Variants in KLHL42 observed in about 807,000 individuals in gnomAD.
KLHL42 encodes kelch-like protein 42.
In KLHL42, 27 loss-of-function variants were observed where a neutral mutation model predicts 32.7. The ratio of observed to expected loss-of-function variants is 0.83; its 90% CI spans 0.61 to 1.14. The LOEUF is 1.14. Among genes scored for constraint, KLHL42 ranks in the 50% most tolerant of loss-of-function variants. KLHL42 has a pLI of 0.00. For missense variants in KLHL42, 491 were observed against 560.8 expected (o/e 0.88, Z 1.26); for synonymous variants, 267 against 248.2 (o/e 1.08, Z -0.71).
chr12:27,786,337 A>T (rs1416443896), intron 1 of KLHL42, among the ~76,000 whole-genome samples: 3 of 152,216 alleles, frequency 2.0e-5, no homozygotes, highest in African/African-American at 7.2e-5. Context: ...ACAGCCTTTA[A>T]GCCCAGCATT....
intron 2 of KLHL42, among the ~76,000 whole-genome samples, chr12:27,794,965 G>A (rs2062212323): frequency 1.3e-5 from 2 of 151,408 alleles, no homozygotes; most frequent in African/African-American, 2.4e-5. Flanking sequence ...AACACTGGTT[G>A]TCAGGTTACA....
intron 1 of KLHL42, among the ~76,000 whole-genome samples, chr12:27,782,310 C>A (rs528889626): frequency 6.6e-6 from 1 of 152,248 alleles, no homozygotes; most frequent in Admixed American, 6.5e-5. Context: ...ATATGAAATT[C>A]ATTTTGAAAA....
At position 27,797,969 on chromosome 12, in the gene KLHL42, A is replaced by C. The variant is rs2140824611; in HGVS notation, c.1321A>C (p.Asn441His). The change falls in exon 3 of 3, where the codon AAC becomes CAC. Residue 441 changes from asparagine to histidine, a missense_variant. Physicochemically the swap from Asn to His is moderately conservative, Grantham distance 68. Around this residue, in one of 4 missense-constraint regions of KLHL42, gnomAD observed 152 missense variants for 125.9 expected, o/e 1.21. Transcript: ENST00000381271. ...GGAGAACACGTCCAAATCGGGTCTT[A>C]ACTTGACTTGTGCGCTCCATAACGA... ...LKENTSKSGL[N>H]LTCALHNDGI... 1.3e-6 allele frequency: 1 copy of C among 780,974 alleles called. No homozygotes were observed. Among genetic ancestry groups the C allele is most frequent in the South Asian group, 1.3e-5 (1 of 74,612 alleles). 48.4% of individuals were successfully genotyped at this position (780,974 alleles called of 1,614,324 possible).
At chr12:27,782,711 A>T (rs916173592) in intron 1 of KLHL42, among the ~76,000 whole-genome samples, 2 of 151,282 alleles carry the variant, frequency 1.3e-5, no homozygotes, top group African/African-American at 4.9e-5. Flanking sequence ...TCTTCCCTTC[A>T]TACATCCTTG....
In KLHL42 at chr12:27,802,745, TAAAA is replaced by T. The variant is rs1052247019; in HGVS notation, c.*4584_*4587del. 1 of 152,368 alleles carries T rather than the reference TAAAA, an allele frequency of 6.6e-6. No homozygotes were observed. The highest frequency in any genetic ancestry group is 2.1e-4 in the South Asian group (1 of 4,816). 9.4% of individuals were successfully genotyped at this position (152,368 alleles called of 1,614,324 possible). ...TGATTTACGTTGTCATTTTTCCTAT[TAAAA>T]AAAACCCTTAAGAATGGGGCACTTG... On this transcript the variant is annotated 3_prime_UTR_variant, in exon 3 of 3. Transcript: ENST00000381271.
At chr12:27,782,639 T>TA (rs908419378) in intron 1 of KLHL42, among the ~76,000 whole-genome samples, 2 of 152,166 alleles carry the variant, frequency 1.3e-5, no homozygotes, top group African/African-American at 4.8e-5. Flanking sequence ...TGCATTCCTC[T>TA]AGCTACACAT....
At chr12:27,782,474 C>T (rs1020486404) in intron 1 of KLHL42, among the ~76,000 whole-genome samples, 2 of 152,174 alleles carry the variant, frequency 1.3e-5, no homozygotes, top group Admixed American at 6.5e-5. Context: ...GCATTATTTA[C>T]ACCATTGAGA....
In KLHL42 at chr12:27,798,281, T is replaced by TA. The variant is rs1395686032; in HGVS notation, c.*116dup. 8.0e-6 allele frequency: 5 copies of TA among 627,652 alleles called. No individual in the cohort carries two copies. Among genetic ancestry groups the TA allele is most frequent in the Non-Finnish European group, 1.4e-5 (5 of 350,242 alleles). The allele number at this position is 627,652 out of a possible 1,614,324, so 38.9% of individuals were successfully genotyped here. On this transcript the variant is annotated 3_prime_UTR_variant, in exon 3 of 3. Transcript: ENST00000381271. ...TAAAGAAGGGTTAAAGTAGGTCACA[T>TA]ATATACAGTAGCAGCTGTAAATAAG...
chr12:27,784,094 C>T (rs1348735579), intron 1 of KLHL42, among the ~76,000 whole-genome samples: 1 of 150,160 alleles, frequency 6.7e-6, no homozygotes, highest in Non-Finnish European at 1.5e-5. Context: ...CGTGGAATCC[C>T]TGGATAGGTA....
chr12:27,797,112 A>C, intron 2 of KLHL42: 1 of 396,846 alleles, frequency 2.5e-6, no homozygotes, highest in Non-Finnish European at 4.9e-6. Flanking sequence ...GGCATGGTAA[A>C]GATCCTGTCT....
chr12:27,783,343 TCA>T (rs2062156926), intron 1 of KLHL42, among the ~76,000 whole-genome samples: 1 of 151,998 alleles, frequency 6.6e-6, no homozygotes, highest in Admixed American at 6.5e-5. Context: ...AAGTGGACCC[TCA>T]CAGTTCAAAC....
chr12:27,798,775 A>G lies in KLHL42; in HGVS notation c.*609A>G, dbSNP rs1332442106. 1 of 152,336 alleles carries G rather than the reference A, an allele frequency of 6.6e-6. No individual in the cohort carries two copies. The highest frequency in any genetic ancestry group is 1.5e-5 in the Non-Finnish European group (1 of 68,030). The allele number at this position is 152,336 out of a possible 1,614,324, so 9.4% of individuals were successfully genotyped here. ...GTGTTCAGTCCTCCCCAAAACTTGCATAAAAATATTCTTAGCTATTTTTCC... is the reference window on the plus strand; with the variant it reads ...GTGTTCAGTCCTCCCCAAAACTTGCGTAAAAATATTCTTAGCTATTTTTCC... On this transcript the variant is annotated 3_prime_UTR_variant, in exon 3 of 3. Transcript: ENST00000381271.
rs1195760542 is a variant in KLHL42, at chr12:27,802,992, G to A, written c.*4826G>A. 6.6e-6 allele frequency: 1 copy of A among 152,150 alleles called. No individual in the cohort carries two copies. Among genetic ancestry groups the A allele is most frequent in the African/African-American group, 2.4e-5 (1 of 41,424 alleles). The allele number at this position is 152,150 out of a possible 1,614,324, so 9.4% of individuals were successfully genotyped here. A position where few individuals can be genotyped will look rare whatever the true frequency, so the allele number is the denominator to read the frequency against. On this transcript the variant is annotated 3_prime_UTR_variant, in exon 3 of 3. Coordinates refer to ENST00000381271, the MANE Select transcript of KLHL42 (RefSeq NM_020782.2). ...CCCACTATAACAGCATTCCTTTTGT[G>A]TTTAGAACTATAGAAGAAAATGTCT...
rs1011545555 is a variant in KLHL42 at position 27,801,907 on chromosome 12, C to T, written c.*3741C>T. The stretch of plus-strand genomic sequence containing the variant: ...GACATAAATAAGTCACGGCCCATGA[C>T]CTTGAAGAGCTTACGGCCTTATAAA... On this transcript the variant is annotated 3_prime_UTR_variant, in exon 3 of 3. Transcript: ENST00000381271. 2 of 152,028 alleles carry T rather than the reference C, an allele frequency of 1.3e-5. No individual in the cohort carries two copies. Among genetic ancestry groups the T allele is most frequent in the Admixed American group, 6.6e-5 (1 of 15,216 alleles). 9.4% of individuals were successfully genotyped at this position (152,028 alleles called of 1,614,324 possible). A position where few individuals can be genotyped will look rare whatever the true frequency, so the allele number is the denominator to read the frequency against.
At chr12:27,796,206 T>A (rs1409072237) in intron 2 of KLHL42, among the ~76,000 whole-genome samples, 1 of 152,234 alleles carries the variant, frequency 6.6e-6, no homozygotes, top group Non-Finnish European at 1.5e-5. Flanking sequence ...TTGGCTCTCT[T>A]AGGAGATACT....
chr12:27,791,986 C>T (rs1050503122), intron 2 of KLHL42, 85 bp downstream of exon 2: 38 of 1,088,102 alleles, frequency 3.5e-5, no homozygotes, highest in South Asian at 3.4e-4. Flanking sequence ...GAGGAAGCCC[C>T]GACATATCCG....
chr12:27,800,179 G>A lies in KLHL42; in HGVS notation c.*2013G>A. 1 of 985,384 alleles carries A rather than the reference G, an allele frequency of 1.0e-6. No individual in the cohort carries two copies. Among genetic ancestry groups the A allele is most frequent in the Non-Finnish European group, 1.2e-6 (1 of 829,932 alleles). 61.0% of individuals were successfully genotyped at this position (985,384 alleles called of 1,614,324 possible). A position where few individuals can be genotyped will look rare whatever the true frequency, so the allele number is the denominator to read the frequency against. On this transcript the variant is annotated 3_prime_UTR_variant, in exon 3 of 3. Transcript: ENST00000381271. ...CAGTTGGAGATTAGTTTGCAAATAA[G>A]CATATCATATCAAATACAATATTCC...
At chr12:27,784,384 G>A (rs1225164065) in intron 1 of KLHL42, among the ~76,000 whole-genome samples, 3 of 150,976 alleles carry the variant, frequency 2.0e-5, no homozygotes, top group Admixed American at 6.6e-5. Context: ...CTCGTGATCC[G>A]CCCACCTAGG....
intron 1 of KLHL42, among the ~76,000 whole-genome samples, chr12:27,783,207 G>A (rs1174145709): frequency 1.3e-5 from 2 of 152,166 alleles, no homozygotes; most frequent in Admixed American, 6.5e-5. Flanking sequence ...CTAAGGAAGA[G>A]AAAATTAAGC....
Sources: allele counts gnomAD v4.1 joint callset (sites outside exome capture counted in the v4.1 genomes callset), GRCh38; gene constraint gnomAD v4.1.1; regional missense constraint gnomAD v4.1.1; transcripts MANE v1.5; gene names NCBI Gene and HGNC (gene_info 2026-07-23, HGNC 2026-07-21).